Variants in DNMBP observed in about 807,000 individuals in gnomAD.
The protein encoded by DNMBP is dynamin-binding protein.
In DNMBP, 87 loss-of-function variants were observed where a neutral mutation model predicts 150.0. The ratio of observed to expected loss-of-function variants is 0.58; its 90% CI spans 0.49 to 0.69. The LOEUF is 0.69. DNMBP is among the 30% of genes least tolerant of loss of function. The pLI is 0.00. For missense variants in DNMBP, 1,774 were observed against 1,949.0 expected (o/e 0.91, Z 1.69); for synonymous variants, 711 against 750.4 (o/e 0.95, Z 0.86).
At chr10:99,964,637 G>A (rs1242260559) in intron 3 of DNMBP, among the ~76,000 whole-genome samples, 2 of 151,516 alleles carry the variant, frequency 1.3e-5, no homozygotes, top group Admixed American at 6.6e-5. Context: ...TTGGCAGGTC[G>A]AGGCAGGCGG....
At chr10:99,947,197 C>T (rs1364823990) in intron 4 of DNMBP, among the ~76,000 whole-genome samples, 3 of 152,196 alleles carry the variant, frequency 2.0e-5, no homozygotes, top group East Asian at 1.9e-4. Context: ...TATCATTCGA[C>T]TTAGCAATCC....
intron 11 of DNMBP, among the ~76,000 whole-genome samples, chr10:99,893,996 T>C (rs1016619439): frequency 6.6e-6 from 1 of 152,170 alleles, no homozygotes; most frequent in Non-Finnish European, 1.5e-5. Flanking sequence ...AGGATCCCTT[T>C]TAAGGAAATT....
chr10:99,966,006 G>C (rs1235699870), intron 3 of DNMBP, among the ~76,000 whole-genome samples: 1 of 152,214 alleles, frequency 6.6e-6, no homozygotes, highest in Admixed American at 6.5e-5. Context: ...ATTTTTTAGT[G>C]ATTTTGTTTC....
chr10:99,959,594 T>C (rs917754446), intron 3 of DNMBP, among the ~76,000 whole-genome samples: 2 of 152,134 alleles, frequency 1.3e-5, no homozygotes, highest in Non-Finnish European at 2.9e-5. Context: ...GGCTCACACC[T>C]GTAATTCCAG....
intron 9 of DNMBP, 94 bp downstream of exon 9, chr10:99,897,992 G>A: frequency 9.4e-7 from 1 of 1,062,586 alleles, no homozygotes; most frequent in Non-Finnish European, 1.5e-6. Context: ...CCTACCACCT[G>A]CCTTGTCCAA....
At position 99,884,016 on chromosome 10, in the gene DNMBP, T is replaced by C. The variant is rs757689446; in HGVS notation, c.3992A>G (p.Asn1331Ser). The C allele has an allele frequency of 2.5e-6, 4 of 1,613,824 alleles. No individual in the cohort carries two copies. Among genetic ancestry groups the C allele is most frequent in the Non-Finnish European group, 2.5e-6 (3 of 1,179,796 alleles). The change falls in exon 15 of 17, where the codon AAT becomes AGT. Residue 1331 changes from asparagine to serine, a missense_variant. Physicochemically the swap from Asn to Ser is conservative, Grantham distance 46. Around this residue, in one of 2 missense-constraint regions of DNMBP, gnomAD observed 1,430 missense variants for 1,492.5 expected, o/e 0.96. Coordinates refer to ENST00000324109, the MANE Select transcript of DNMBP (RefSeq NM_015221.4). ...CTGCTGCTTAAAATTCTTACCTCCA[T>C]TGTCAATCAGCCAGCGGTTCTGGCT... is the stretch of plus-strand genomic sequence containing the variant. ...MGSQNRWLID[N>S]GVTKGFVYSS... is the part of the protein sequence containing the mutation.
intron 1 of DNMBP, among the ~76,000 whole-genome samples, chr10:99,991,574 T>C (rs1016261771): frequency 2.0e-5 from 3 of 151,382 alleles, no homozygotes; most frequent in Non-Finnish European, 2.9e-5. Context: ...GGTCTTCATA[T>C]CATTTTAAAA....
At chr10:99,903,006 C>T (rs2039768131) in intron 6 of DNMBP, among the ~76,000 whole-genome samples, 1 of 151,998 alleles carries the variant, frequency 6.6e-6, no homozygotes, top group Admixed American at 6.6e-5. Context: ...GTGACCATTG[C>T]CAACTGCAGC....
intron 4 of DNMBP, among the ~76,000 whole-genome samples, chr10:99,953,977 C>G (rs1287346288): frequency 6.6e-6 from 1 of 151,966 alleles, no homozygotes; most frequent in Non-Finnish European, 1.5e-5. Context: ...GCTATGGATG[C>G]CATAGCAGAA....
At chr10:99,958,711 T>C (rs1308879742) in intron 3 of DNMBP, among the ~76,000 whole-genome samples, 2 of 152,234 alleles carry the variant, frequency 1.3e-5, no homozygotes, top group African/African-American at 4.8e-5. Flanking sequence ...TATGTTGAAA[T>C]GGTCAACATT....
chr10:99,952,606 C>T (rs1389251869), intron 4 of DNMBP, among the ~76,000 whole-genome samples: 1 of 152,218 alleles, frequency 6.6e-6, no homozygotes, highest in Non-Finnish European at 1.5e-5. Context: ...TGAATGTGCT[C>T]TAGGACCCCT....
At chr10:99,904,901 TC>T (rs2039802879) in intron 6 of DNMBP, among the ~76,000 whole-genome samples, 1 of 152,226 alleles carries the variant, frequency 6.6e-6, no homozygotes, top group Non-Finnish European at 1.5e-5. Context: ...GACTCTCATT[TC>T]TGATTTGAAT....
At chr10:99,918,906 T>C (rs2039994342) in intron 4 of DNMBP, among the ~76,000 whole-genome samples, 1 of 152,228 alleles carries the variant, frequency 6.6e-6, no homozygotes. Context: ...ATTATTATTT[T>C]TTAATCTTTA....
Position 99,957,016 on chromosome 10 carries a change from A to G in DNMBP, c.458T>C (p.Leu153Pro). The G allele has an allele frequency of 6.2e-7, 1 of 1,614,186 alleles. No homozygotes were observed. The highest frequency in any genetic ancestry group is 1.1e-5 in the South Asian group (1 of 91,090). Residue 153 changes from leucine (L) to proline (P), a missense_variant, in exon 4 of 17, where the codon CTA (leucine) becomes CCA (proline). By Grantham distance (98) the Leu-to-Pro change is moderately conservative. Around this residue, in one of 2 missense-constraint regions of DNMBP, gnomAD observed 344 missense variants for 456.6 expected, o/e 0.75. Transcript: ENST00000324109. ...ATCCAGCTGAGCAGAAAGCCCCATT[A>G]GGGCCCGGGCTTGTCCCATGGAATA... Reference protein sequence around the residue: ...PEYSMGQARALMGLSAQLDEE... With the variant: ...PEYSMGQARAPMGLSAQLDEE...
chr10:99,879,696 C>G (rs2039332733), intron 16 of DNMBP, 115 bp downstream of exon 16: 1 of 1,496,942 alleles, frequency 6.7e-7, no homozygotes, highest in South Asian at 1.4e-5. Flanking sequence ...TGTCTGTGAG[C>G]TCATCTCAGA....
intron 11 of DNMBP, among the ~76,000 whole-genome samples, chr10:99,893,531 C>G (rs760086394): frequency 6.6e-6 from 1 of 152,166 alleles, no homozygotes; most frequent in Non-Finnish European, 1.5e-5. Context: ...GTCAAGAGAT[C>G]GACACCATCC....
chr10:99,886,739 C>T (rs1199569348), intron 12 of DNMBP, 107 bp from the exon 13 acceptor site: 66 of 1,002,788 alleles, frequency 6.6e-5, no homozygotes, highest in South Asian at 1.4e-4. Context: ...CCACCTACTT[C>T]GTTTCTAGTA....
At chr10:99,992,235 G>A (rs1403625255) in intron 1 of DNMBP, among the ~76,000 whole-genome samples, 2 of 151,862 alleles carry the variant, frequency 1.3e-5, no homozygotes, top group South Asian at 2.1e-4. Context: ...GCAAGATCCC[G>A]TCTCAAAAAC....
In DNMBP at chr10:99,956,220, G is replaced by A; in HGVS notation, c.1254C>T (p.Val418=). The change falls in exon 4 of 17, where the codon GTC becomes GTT. Residue 418 remains valine, a synonymous_variant. Transcript: ENST00000324109. ...VVNGISSQPQ[V]PFHPNLQKSQ... is the part of the protein sequence containing the mutation. ...TTTTCTGCAAGTTGGGATGAAAAGG[G>A]ACCTGAGGTTGGGAGGAAATACCAT... The A allele has an allele frequency of 6.2e-7, 1 of 1,613,964 alleles. No individual in the cohort carries two copies. Among genetic ancestry groups the A allele is most frequent in the Non-Finnish European group, 8.5e-7 (1 of 1,180,022 alleles).
Sources: gnomAD v4.1 joint callset for allele counts (sites outside exome capture counted in the v4.1 genomes callset) on GRCh38, gnomAD v4.1.1 for gene constraint, gnomAD v4.1.1 regional missense constraint, MANE v1.5 for transcripts, NCBI Gene and HGNC (gene_info 2026-07-23, HGNC 2026-07-21) for gene names.